STXBP3: variants seen among roughly 807,000 people sequenced by gnomAD.
The protein encoded by STXBP3 is syntaxin binding protein 3.
Under a neutral mutation model 85.7 loss-of-function variants are expected in STXBP3, and 41 were observed. The ratio of observed to expected loss-of-function variants is 0.48; its 90% CI spans 0.37 to 0.62. The LOEUF (loss-of-function observed/expected upper bound fraction) is 0.62, where lower values mean the gene tolerates loss of function less well. STXBP3 is among the 20% of genes least tolerant of loss of function. The probability of loss-of-function intolerance (pLI) is 0.00; values close to 1 mark genes in which losing one functional copy is unlikely to be tolerated. For synonymous variants in STXBP3, 229 were observed against 231.7 expected (o/e 0.99, Z 0.10); for missense variants, 563 against 703.1 (o/e 0.80, Z 2.25).
At chr1:108,786,572 T>C (rs527982675) in intron 11 of STXBP3, among the ~76,000 whole-genome samples, 1 of 152,376 alleles carries the variant, frequency 6.6e-6, no homozygotes, top group East Asian at 1.9e-4. Context: ...GTTGCAGTAA[T>C]GCATTTGTTG....
At chr1:108,770,994 T>C (rs1330288912) in intron 6 of STXBP3, among the ~76,000 whole-genome samples, 1 of 152,140 alleles carries the variant, frequency 6.6e-6, no homozygotes, top group Non-Finnish European at 1.5e-5. Flanking sequence ...GTATCAACTA[T>C]GGGAGATTTT....
chr1:108,771,848 C>T lies in STXBP3; in HGVS notation c.439-817C>T, dbSNP rs866622788. 3.0e-4 allele frequency among the ~76,000 whole-genome samples: 11 copies of T among 36,272 alleles called. No individual in the cohort carries two copies. In the East Asian group the frequency reaches 3.8e-3, roughly 12 times the overall value. The allele number at this position is 36,272 out of a possible 152,430, so 23.8% of individuals were successfully genotyped here. On this transcript the variant is annotated intron_variant, in intron 6 of 18. Transcript: ENST00000370008. ...TCTATCTATATATCATATATAAATACATATGATATCTATCTATATATCATA... is the reference window on the plus strand; with the variant it reads ...TCTATCTATATATCATATATAAATATATATGATATCTATCTATATATCATA...
chr1:108,749,957 T>G (rs781447185), intron 1 of STXBP3, among the ~76,000 whole-genome samples: 2 of 152,208 alleles, frequency 1.3e-5, no homozygotes, highest in Non-Finnish European at 2.9e-5. Flanking sequence ...GTGCTAAGGT[T>G]TTTTGAAGTC....
At chr1:108,769,753 A>G (rs1414430172) in intron 6 of STXBP3, among the ~76,000 whole-genome samples, 2 of 152,182 alleles carry the variant, frequency 1.3e-5, no homozygotes, top group Non-Finnish European at 2.9e-5. Flanking sequence ...ACATTGGGGT[A>G]TTAGATAGCT....
chr1:108,785,431 A>T (rs1662804841), intron 11 of STXBP3, among the ~76,000 whole-genome samples: 1 of 152,166 alleles, frequency 6.6e-6, no homozygotes, highest in Non-Finnish European at 1.5e-5. Context: ...GATGCAGGGT[A>T]CCAAATCCCA....
chr1:108,767,028 A>G (rs1662277873), intron 6 of STXBP3: 5 of 462,198 alleles, frequency 1.1e-5, no homozygotes, highest in Admixed American at 9.7e-5. Context: ...GTCACCAACC[A>G]TCACACAGTC....
chr1:108,752,297 C>G lies in STXBP3; in HGVS notation c.90C>G (p.Gly30=). 1 of 1,606,780 alleles carries G rather than the reference C, an allele frequency of 6.2e-7. No individual in the cohort carries two copies. The highest frequency in any genetic ancestry group is 8.5e-7 in the Non-Finnish European group (1 of 1,176,048). The part of the protein sequence containing the change: ...ATVFDDCKKE[G]EWKIMLLDEF... The stretch of plus-strand genomic sequence containing the variant: ...TGTTTGATGACTGCAAGAAAGAAGG[C>G]GAATGGAAGGTAGAGTTTGCATACC... Residue 30 remains glycine (G), a synonymous_variant, in exon 2 of 19, where the codon GGC becomes GGG. Coordinates refer to ENST00000370008, the MANE Select transcript of STXBP3 (RefSeq NM_007269.4).
Position 108,808,798 on chromosome 1 carries a change from T to A in STXBP3, c.1700T>A (p.Leu567Ter), listed in dbSNP as rs749893413. Residue 567 changes from leucine (L) to a stop codon, truncating the protein, a stop_gained, in exon 19 of 19, where the codon TTA becomes TAA. Transcript: ENST00000370008. LOFTEE classifies it high-confidence loss of function. ...CTCCTACCAGGTTCTACACATGTTTTAACACCCAAAAAGCTGTTGGATGAT... is the reference window on the plus strand; with the variant it reads ...CTCCTACCAGGTTCTACACATGTTTAAACACCCAAAAAGCTGTTGGATGAT... ...CEVIIGSTHVLTPKKLLDDIK... is the reference protein window; with the variant it reads ...CEVIIGSTHV 1 of 1,612,740 alleles carries A rather than the reference T, an allele frequency of 6.2e-7. No individual in the cohort carries two copies. The highest frequency in any genetic ancestry group is 8.5e-7 in the Non-Finnish European group (1 of 1,179,552).
intron 7 of STXBP3, among the ~76,000 whole-genome samples, chr1:108,775,596 T>A (rs537110545): frequency 6.6e-6 from 1 of 152,154 alleles, no homozygotes; most frequent in Admixed American, 6.6e-5. Flanking sequence ...TAACCATCTT[T>A]CTACTTTCTG....
chr1:108,802,809 A>G (rs1663259888), intron 17 of STXBP3, among the ~76,000 whole-genome samples: 2 of 152,126 alleles, frequency 1.3e-5, no homozygotes, highest in Non-Finnish European at 2.9e-5. Context: ...AGTGCTCTCT[A>G]TCTTATGTTT....
intron 3 of STXBP3, among the ~76,000 whole-genome samples, chr1:108,754,973 A>G (rs1044899636): frequency 1.3e-5 from 2 of 152,154 alleles, no homozygotes; most frequent in Admixed American, 1.3e-4. Flanking sequence ...AGCTCTCCTG[A>G]AAATCCCTCT....
intron 11 of STXBP3, among the ~76,000 whole-genome samples, chr1:108,782,929 G>GTC (rs1662746406): frequency 6.6e-6 from 1 of 152,118 alleles, no homozygotes; most frequent in African/African-American, 2.4e-5. Context: ...TTGAGACATA[G>GTC]TCTCACTCTG....
intron 6 of STXBP3, among the ~76,000 whole-genome samples, chr1:108,763,604 T>C (rs1662192442): frequency 1.3e-5 from 2 of 152,162 alleles, no homozygotes; most frequent in Admixed American, 1.3e-4. Context: ...AGACAGAGTT[T>C]CACTCTTGTT....
chr1:108,793,183 T>TTTTTTTTTTTC (rs1663014741), intron 11 of STXBP3, among the ~76,000 whole-genome samples: 1 of 133,934 alleles, frequency 7.5e-6, no homozygotes, highest in Non-Finnish European at 1.6e-5. Flanking sequence ...TTTTTTTTTT[T>TTTTTTTTTTTC]GCACCCAGGG....
intron 15 of STXBP3, 62 bp downstream of exon 15, chr1:108,796,788 A>G: frequency 7.8e-7 from 1 of 1,276,376 alleles, no homozygotes; most frequent in Non-Finnish European, 1.0e-6. Context: ...TGTATGTATT[A>G]ACTGTTTTTT....
At chr1:108,781,791 C>G (rs1662718553) in intron 9 of STXBP3, 1 of 152,360 alleles carries the variant, frequency 6.6e-6, no homozygotes, top group African/African-American at 2.4e-5. Context: ...TCACTGCAAA[C>G]TCTGCCTCCC....
chr1:108,777,101 G>C (rs1308911854), intron 8 of STXBP3, among the ~76,000 whole-genome samples: 1 of 152,058 alleles, frequency 6.6e-6, no homozygotes, highest in Non-Finnish European at 1.5e-5. Flanking sequence ...TGACAGAGGT[G>C]GTGCCAGAGG....
intron 8 of STXBP3, among the ~76,000 whole-genome samples, chr1:108,778,306 T>G (rs1620843): frequency 0.7 from 107,200 of 152,078 alleles, 38,771 homozygotes; most frequent in Non-Finnish European, 0.77. Context: ...AAATGAAATA[T>G]GAAAGATACT....
intron 17 of STXBP3, 106 bp from the exon 18 acceptor site, chr1:108,807,295 T>G: frequency 1.8e-6 from 2 of 1,138,946 alleles, no homozygotes; most frequent in Non-Finnish European, 2.4e-6. Flanking sequence ...ATGTAATTGG[T>G]AGCAAGTTTG....
Sources: gnomAD v4.1 joint callset for allele counts (sites outside exome capture counted in the v4.1 genomes callset) on GRCh38, gnomAD v4.1.1 for gene constraint, MANE v1.5 for transcripts, NCBI Gene and HGNC (gene_info 2026-07-23, HGNC 2026-07-21) for gene names.